DSCAM: variants seen among roughly 807,000 people sequenced by gnomAD.
DSCAM encodes DS cell adhesion molecule.
DSCAM carries 47 observed loss-of-function variants against 217.7 expected under a neutral mutation model. The ratio of observed to expected loss-of-function variants is 0.22; its 90% CI spans 0.17 to 0.28. DSCAM has a LOEUF of 0.28. Ranked by LOEUF, DSCAM falls within the 10% of genes least tolerant of loss-of-function variation. The pLI is 1.00. For missense variants in DSCAM, 2,080 were observed against 2,618.3 expected, an observed-to-expected ratio of 0.79 and a Z score of 4.49; for synonymous variants, 1,056 against 1,015.3, an observed-to-expected ratio of 1.04 and a Z score of -0.76.
At chr21:40,811,492 T>C (rs185727705) in intron 1 of DSCAM, among the ~76,000 whole-genome samples, 1,796 of 152,328 alleles carry the variant, frequency 0.012, 34 homozygotes, top group African/African-American at 0.041. Flanking sequence ...AGAAAGTGTG[T>C]TCTAAAGAGT....
intron 3 of DSCAM, among the ~76,000 whole-genome samples, chr21:40,382,402 T>G (rs2123732923): frequency 6.6e-6 from 1 of 152,308 alleles, no homozygotes. Context: ...TTTTCCCACC[T>G]CAAACACATG....
chr21:40,542,193 TAA>T (rs2076547599), intron 3 of DSCAM, among the ~76,000 whole-genome samples: 1 of 152,190 alleles, frequency 6.6e-6, no homozygotes, highest in African/African-American at 2.4e-5. Flanking sequence ...TTTCAAAAAA[TAA>T]ATACTCAATC....
chr21:40,201,684 G>A (rs56395803), intron 11 of DSCAM, among the ~76,000 whole-genome samples: 7,683 of 152,124 alleles, frequency 0.051, 438 homozygotes, highest in African/African-American at 0.14. Context: ...CAGGTGATCC[G>A]CCTGCTTCGG....
At chr21:40,843,376 G>A (rs1022850973) in intron 1 of DSCAM, among the ~76,000 whole-genome samples, 2 of 55,366 alleles carry the variant, frequency 3.6e-5, no homozygotes, top group Non-Finnish European at 5.7e-5. Context: ...GCATGTGTGT[G>A]TGTGTGTGTG....
intron 11 of DSCAM, among the ~76,000 whole-genome samples, chr21:40,209,813 T>C (rs2091164695): frequency 6.6e-6 from 1 of 152,146 alleles, no homozygotes; most frequent in African/African-American, 2.4e-5. Flanking sequence ...TGAAATGGCA[T>C]TATAACTCAT....
rs370329707 is a variant in DSCAM at position 40,215,996 on chromosome 21, C to A, written c.2357-26758G>T. On this transcript the variant is annotated intron_variant, in intron 11 of 32. Transcript: ENST00000400454. Reference sequence around the variant, plus strand: ...TGCTCAAGACTACTATGGGAAGGACCCAGTTATAAACATGCATTTCACGCC... The same window carrying A: ...TGCTCAAGACTACTATGGGAAGGACACAGTTATAAACATGCATTTCACGCC... Among the ~76,000 whole-genome samples, 3 of 151,652 alleles carry A rather than the reference C, an allele frequency of 2.0e-5. No individual in the cohort carries two copies. The South Asian group carries it at 6.2e-4, about 32-fold the overall frequency.
At chr21:40,636,032 A>C (rs1039550677) in intron 3 of DSCAM, among the ~76,000 whole-genome samples, 1 of 152,212 alleles carries the variant, frequency 6.6e-6, no homozygotes, top group African/African-American at 2.4e-5. Flanking sequence ...ATATTCTCTT[A>C]ATAGATTTTT....
intron 27 of DSCAM, among the ~76,000 whole-genome samples, chr21:40,067,243 T>G (rs76797715): frequency 0.078 from 11,824 of 152,250 alleles, 601 homozygotes; most frequent in Middle Eastern, 0.14. Context: ...TTCTACTGAA[T>G]GCATATCATT....
intron 3 of DSCAM, among the ~76,000 whole-genome samples, chr21:40,476,222 G>T (rs184847488): frequency 3.3e-5 from 5 of 152,168 alleles, no homozygotes; most frequent in African/African-American, 1.2e-4. Flanking sequence ...CTTAGTGAAG[G>T]TATATCGATA....
rs201680493 is a variant in DSCAM at position 40,353,544 on chromosome 21, G to A, written c.855C>T (p.Pro285=). Residue 285 remains proline, a synonymous_variant, in exon 5 of 33, where the codon CCC becomes CCT. Coordinates refer to ENST00000400454, the MANE Select transcript of DSCAM (RefSeq NM_001389.5). ...CACAAACATAGCTGCCTGAGTCCGA[G>A]GGGCGAATGTTCTCAATGAGCAGCC... ...VTGLLIENIR[P]SDSGSYVCEV... The A allele has an allele frequency of 8.3e-4, 1,342 of 1,612,218 alleles. 4 individuals carry two copies. Among genetic ancestry groups the A allele is most frequent in the Non-Finnish European group, 9.3e-4 (1,099 of 1,179,394 alleles).
chr21:40,146,448 C>T (rs1216456907), intron 16 of DSCAM, among the ~76,000 whole-genome samples: 3 of 152,112 alleles, frequency 2.0e-5, no homozygotes, highest in Admixed American at 6.5e-5. Context: ...AAGAAGGTTT[C>T]GAGCTGATGA....
intron 3 of DSCAM, among the ~76,000 whole-genome samples, chr21:40,375,607 G>A (rs1316817301): frequency 1.3e-5 from 2 of 152,190 alleles, no homozygotes; most frequent in Admixed American, 1.3e-4. Context: ...TGTATGTGAC[G>A]TTATCTTGTA....
intron 8 of DSCAM, among the ~76,000 whole-genome samples, chr21:40,329,046 C>T (rs760583048): frequency 1.3e-5 from 2 of 152,074 alleles, no homozygotes; most frequent in African/African-American, 2.4e-5. Flanking sequence ...AAAAGAGAAG[C>T]TTTGTACTGT....
At chr21:40,242,913 G>A (rs1010297190) in intron 11 of DSCAM, among the ~76,000 whole-genome samples, 12 of 152,090 alleles carry the variant, frequency 7.9e-5, no homozygotes, top group Admixed American at 6.6e-4. Context: ...TCCACCTCAC[G>A]TACAGCTCTT....
At chr21:40,436,779 G>A (rs2075586965) in intron 3 of DSCAM, among the ~76,000 whole-genome samples, 1 of 152,208 alleles carries the variant, frequency 6.6e-6, no homozygotes, top group Admixed American at 6.5e-5. Context: ...GTCCTTCTAA[G>A]AGCACAGTCT....
chr21:40,680,042 CATT>C (rs2090383078), intron 3 of DSCAM, among the ~76,000 whole-genome samples: 1 of 152,168 alleles, frequency 6.6e-6, no homozygotes, highest in Non-Finnish European at 1.5e-5. Context: ...CAATGACAAA[CATT>C]AATGTCAAGC....
intron 28 of DSCAM, among the ~76,000 whole-genome samples, chr21:40,056,621 T>A (rs538437041): frequency 6.6e-6 from 1 of 152,078 alleles, no homozygotes; most frequent in South Asian, 2.1e-4. Flanking sequence ...ATTAGAAGGG[T>A]GGTTGTTCAG....
intron 20 of DSCAM, among the ~76,000 whole-genome samples, chr21:40,097,960 AAGAAAG>A (rs2089700801): frequency 2.2e-4 from 10 of 44,858 alleles, no homozygotes; most frequent in East Asian, 1.4e-3. Flanking sequence ...AAAAAAAAGA[AAGAAAG>A]AAAGAAAGAA....
At chr21:40,677,864 T>C (rs1406485293) in intron 3 of DSCAM, among the ~76,000 whole-genome samples, 1 of 152,144 alleles carries the variant, frequency 6.6e-6, no homozygotes, top group Non-Finnish European at 1.5e-5. Context: ...ACCCACCTCC[T>C]TGATCTTAGA....
Sources: gnomAD v4.1 joint callset for allele counts (sites outside exome capture counted in the v4.1 genomes callset) on GRCh38, gnomAD v4.1.1 for gene constraint, MANE v1.5 for transcripts, NCBI Gene and HGNC (gene_info 2026-07-23, HGNC 2026-07-21) for gene names.